Variants in UBASH3B observed in about 807,000 individuals in gnomAD.
UBASH3B encodes the protein ubiquitin associated and SH3 domain containing B.
UBASH3B carries 37 observed loss-of-function variants against 83.4 expected under a neutral mutation model. The observed-to-expected ratio is 0.44, with a 90% confidence interval of 0.34 to 0.58. The LOEUF is 0.58. UBASH3B is among the 20% of genes least tolerant of loss of function. The pLI is 0.01. For synonymous variants in UBASH3B, 304 were observed against 318.3 expected, an observed-to-expected ratio of 0.96 and a Z score of 0.48; for missense variants, 657 against 827.2, an observed-to-expected ratio of 0.79 and a Z score of 2.52.
intron 1 of UBASH3B, among the ~76,000 whole-genome samples, chr11:122,724,120 C>G (rs1860689808): frequency 6.6e-6 from 1 of 152,200 alleles, no homozygotes; most frequent in Non-Finnish European, 1.5e-5. Flanking sequence ...GTTCATTCAT[C>G]TATTGATAGA....
intron 1 of UBASH3B, among the ~76,000 whole-genome samples, chr11:122,676,926 C>T (rs1193611046): frequency 6.6e-6 from 1 of 152,152 alleles, no homozygotes; most frequent in Non-Finnish European, 1.5e-5. Flanking sequence ...TTTTCAACAC[C>T]TCTGGGTCTT....
chr11:122,738,048 T>C (rs1860962826), intron 1 of UBASH3B, among the ~76,000 whole-genome samples: 1 of 152,076 alleles, frequency 6.6e-6, no homozygotes, highest in Non-Finnish European at 1.5e-5. Flanking sequence ...AGGGGCATAA[T>C]CAGGAAAGTA....
At chr11:122,753,457 A>C (rs117767482) in intron 1 of UBASH3B, among the ~76,000 whole-genome samples, 1,662 of 151,488 alleles carry the variant, frequency 0.011, 36 homozygotes, top group Admixed American at 0.044. Flanking sequence ...CCTCAAAAAA[A>C]GAAAAGAAAA....
chr11:122,722,271 T>C (rs1226628964), intron 1 of UBASH3B, among the ~76,000 whole-genome samples: 2 of 152,194 alleles, frequency 1.3e-5, no homozygotes, highest in African/African-American at 2.4e-5. Flanking sequence ...TGCAAGACTT[T>C]GACTTAAACA....
intron 1 of UBASH3B, among the ~76,000 whole-genome samples, chr11:122,660,711 T>C (rs1863427708): frequency 6.6e-6 from 1 of 152,226 alleles, no homozygotes; most frequent in African/African-American, 2.4e-5. Flanking sequence ...AATAATTGAA[T>C]TGGAGGAATC....
chr11:122,745,248 A>G (rs1018717481), intron 1 of UBASH3B, among the ~76,000 whole-genome samples: 6 of 152,240 alleles, frequency 3.9e-5, no homozygotes, highest in African/African-American at 1.4e-4. Context: ...CAAACAGATT[A>G]GACTGTCAGC....
chr11:122,809,984 C>A lies in UBASH3B; in HGVS notation c.*98C>A. 7.1e-7 allele frequency: 1 copy of A among 1,405,306 alleles called. No individual in the cohort carries two copies. Among genetic ancestry groups the A allele is most frequent in the South Asian group, 1.3e-5 (1 of 75,408 alleles). 87.1% of individuals were successfully genotyped at this position (1,405,306 alleles called of 1,614,324 possible). ...TCCACACCACACTCTAAGTGGACAG[C>A]TCAGAATAATTTAGCATATTTCCTT... On this transcript the variant is annotated 3_prime_UTR_variant, in exon 14 of 14. Coordinates refer to ENST00000284273, the MANE Select transcript of UBASH3B (RefSeq NM_032873.5).
At chr11:122,808,781 G>A (rs1268838076) in intron 13 of UBASH3B, among the ~76,000 whole-genome samples, 3 of 152,108 alleles carry the variant, frequency 2.0e-5, no homozygotes, top group Non-Finnish European at 4.4e-5. Flanking sequence ...AAACTCAATT[G>A]CAATCTTTTT....
chr11:122,807,849 C>T (rs889135935), intron 12 of UBASH3B, among the ~76,000 whole-genome samples: 1 of 152,160 alleles, frequency 6.6e-6, no homozygotes, highest in African/African-American at 2.4e-5. Context: ...GCCACCACAC[C>T]CGGCCCCATA....
At chr11:122,744,486 G>A (rs1015211369) in intron 1 of UBASH3B, among the ~76,000 whole-genome samples, 1 of 152,036 alleles carries the variant, frequency 6.6e-6, no homozygotes, top group African/African-American at 2.4e-5. Context: ...GTGTTACTGT[G>A]TGTGTTGCAT....
intron 1 of UBASH3B, among the ~76,000 whole-genome samples, chr11:122,668,313 GCT>G (rs906339544): frequency 1.3e-5 from 2 of 152,140 alleles, no homozygotes; most frequent in East Asian, 3.9e-4. Context: ...CAAGGTTTTG[GCT>G]CTGTTTTCTG....
chr11:122,691,894 G>A (rs1863902326), intron 1 of UBASH3B, among the ~76,000 whole-genome samples: 2 of 152,100 alleles, frequency 1.3e-5, no homozygotes, highest in Admixed American at 1.3e-4. Context: ...GACACAATCA[G>A]TGCTACCCCC....
At chr11:122,757,922 G>A (rs958352050) in intron 1 of UBASH3B, among the ~76,000 whole-genome samples, 1 of 151,606 alleles carries the variant, frequency 6.6e-6, no homozygotes, top group Non-Finnish European at 1.5e-5. Context: ...CCATGTTGAT[G>A]GTCTCTATCT....
intron 1 of UBASH3B, among the ~76,000 whole-genome samples, chr11:122,669,401 T>A (rs924255060): frequency 1.3e-5 from 2 of 152,158 alleles, no homozygotes; most frequent in African/African-American, 4.8e-5. Flanking sequence ...CCTGCCTCAC[T>A]CCTTTCCTTG....
chr11:122,774,284 C>A, intron 1 of UBASH3B: 18 of 985,464 alleles, frequency 1.8e-5, no homozygotes, highest in Non-Finnish European at 2.2e-5. Context: ...TTGCCTTTTA[C>A]AGTGCTGTTC....
intron 1 of UBASH3B, among the ~76,000 whole-genome samples, chr11:122,773,554 C>A (rs1860683048): frequency 6.6e-6 from 1 of 152,150 alleles, no homozygotes; most frequent in Non-Finnish European, 1.5e-5. Flanking sequence ...CTAACTTGAG[C>A]CCTTTGTGCT....
intron 1 of UBASH3B, among the ~76,000 whole-genome samples, chr11:122,751,385 C>T (rs964328049): frequency 6.6e-6 from 1 of 152,216 alleles, no homozygotes; most frequent in Non-Finnish European, 1.5e-5. Context: ...CACTCCTTCT[C>T]TGCCCTCCCA....
intron 1 of UBASH3B, among the ~76,000 whole-genome samples, chr11:122,677,042 G>A (rs1226273863): frequency 6.6e-6 from 1 of 152,106 alleles, no homozygotes; most frequent in African/African-American, 2.4e-5. Context: ...TTTTGAATTT[G>A]TTGTTTCAAC....
intron 1 of UBASH3B, among the ~76,000 whole-genome samples, chr11:122,760,794 G>C (rs1046731947): frequency 3.9e-5 from 6 of 152,222 alleles, no homozygotes; most frequent in African/African-American, 1.4e-4. Context: ...TGTTTTTGGA[G>C]ATGAAGAGTT....
Sources: allele counts gnomAD v4.1 joint callset (sites outside exome capture counted in the v4.1 genomes callset), GRCh38; gene constraint gnomAD v4.1.1; transcripts MANE v1.5; gene names NCBI Gene and HGNC (gene_info 2026-07-23, HGNC 2026-07-21).